ARHGAP10: variants seen among roughly 807,000 people sequenced by gnomAD.
ARHGAP10 encodes rho GTPase-activating protein 10.
Under a neutral mutation model 108.6 loss-of-function variants are expected in ARHGAP10, and 87 were observed. The ratio of observed to expected loss-of-function variants is 0.80; its 90% CI spans 0.67 to 0.96. The LOEUF (loss-of-function observed/expected upper bound fraction) is 0.96, where lower values mean the gene tolerates loss of function less well. Ranked by LOEUF, ARHGAP10 falls within the 40% of genes least tolerant of loss-of-function variation. The pLI is 0.00. For missense variants in ARHGAP10, 939 were observed against 954.5 expected (o/e 0.98, Z 0.21); for synonymous variants, 347 against 341.1 (o/e 1.02, Z -0.19).
At chr4:148,004,431 A>G (rs184474810) in intron 18 of ARHGAP10, among the ~76,000 whole-genome samples, 108 of 152,336 alleles carry the variant, frequency 7.1e-4, no homozygotes, top group Non-Finnish European at 1.4e-3. Flanking sequence ...GATGACCTCC[A>G]GTGACCCAGG....
chr4:148,009,548 A>C (rs1741092847), intron 18 of ARHGAP10, among the ~76,000 whole-genome samples: 1 of 152,248 alleles, frequency 6.6e-6, no homozygotes, highest in Non-Finnish European at 1.5e-5. Flanking sequence ...TAACAATTTT[A>C]AAGGCCTTGT....
At chr4:147,773,785 T>C (rs961960413) in intron 1 of ARHGAP10, among the ~76,000 whole-genome samples, 1 of 152,092 alleles carries the variant, frequency 6.6e-6, no homozygotes, top group Admixed American at 6.6e-5. Context: ...AGAATGTGAG[T>C]CAATACATTA....
chr4:147,767,988 C>A (rs1482957926), intron 1 of ARHGAP10, among the ~76,000 whole-genome samples: 1 of 152,212 alleles, frequency 6.6e-6, no homozygotes, highest in Non-Finnish European at 1.5e-5. Flanking sequence ...CCTTTCCCTG[C>A]ACCCATGGTG....
chr4:147,875,196 A>G, intron 8 of ARHGAP10, 46 bp downstream of exon 8: 1 of 1,505,042 alleles, frequency 6.6e-7, no homozygotes. Context: ...TAAAAATGCA[A>G]ATTATTGAAA....
intron 13 of ARHGAP10, among the ~76,000 whole-genome samples, chr4:147,936,392 A>C (rs549909021): frequency 7.8e-6 from 1 of 128,670 alleles, no homozygotes; most frequent in South Asian, 2.7e-4. Context: ...GCAGTGGCGC[A>C]ATCTCGGCTC....
chr4:147,743,240 G>A (rs1226421201), intron 1 of ARHGAP10, among the ~76,000 whole-genome samples: 1 of 151,842 alleles, frequency 6.6e-6, no homozygotes, highest in Non-Finnish European at 1.5e-5. Flanking sequence ...TCACCATGTT[G>A]ACCAGGATGG....
At chr4:147,915,195 A>G (rs950124409) in intron 13 of ARHGAP10, among the ~76,000 whole-genome samples, 4 of 152,176 alleles carry the variant, frequency 2.6e-5, no homozygotes, top group Admixed American at 6.5e-5. Context: ...TTGCCCATCA[A>G]TAACAACAAC....
chr4:147,741,718 C>T (rs1345320084), intron 1 of ARHGAP10, among the ~76,000 whole-genome samples: 1 of 151,608 alleles, frequency 6.6e-6, no homozygotes, highest in African/African-American at 2.4e-5. Context: ...CAGAGAAAAA[C>T]ACCAGACACT....
intron 18 of ARHGAP10, 97 bp downstream of exon 18, chr4:147,966,936 T>A: frequency 8.6e-7 from 1 of 1,157,988 alleles, no homozygotes; most frequent in Non-Finnish European, 1.1e-6. Context: ...TCTCTCTGTT[T>A]AAAAAAATTC....
intron 1 of ARHGAP10, among the ~76,000 whole-genome samples, chr4:147,741,233 G>A (rs2126679220): frequency 6.6e-6 from 1 of 152,228 alleles, no homozygotes; most frequent in Non-Finnish European, 1.5e-5. Flanking sequence ...ATTGAAATTT[G>A]TTTTATAAAT....
At chr4:147,963,393 C>T (rs996706027) in intron 16 of ARHGAP10, among the ~76,000 whole-genome samples, 5 of 152,184 alleles carry the variant, frequency 3.3e-5, no homozygotes, top group African/African-American at 1.2e-4. Flanking sequence ...AGTGAAACTA[C>T]AAAACCGTTT....
At chr4:147,939,249 T>TAG (rs765291616) in intron 13 of ARHGAP10, among the ~76,000 whole-genome samples, 1 of 152,172 alleles carries the variant, frequency 6.6e-6, no homozygotes, top group African/African-American at 2.4e-5. Context: ...CAGATCTCTG[T>TAG]AGAGAGAGAG....
At chr4:147,953,609 C>G (rs181590548) in intron 15 of ARHGAP10, among the ~76,000 whole-genome samples, 2 of 132,124 alleles carry the variant, frequency 1.5e-5, no homozygotes, top group Non-Finnish European at 3.4e-5. Flanking sequence ...CTGCAGTCAC[C>G]TTTCTCATTC....
chr4:147,859,518 C>T (rs1367315977), intron 5 of ARHGAP10, among the ~76,000 whole-genome samples: 1 of 152,180 alleles, frequency 6.6e-6, no homozygotes, highest in Non-Finnish European at 1.5e-5. Flanking sequence ...AGGCGATCCA[C>T]CCACCTTGGC....
rs1475577831 is a variant in ARHGAP10 at position 148,072,089 on chromosome 4, C to T, written c.*8C>T. 3 of 1,608,352 alleles carry T rather than the reference C, an allele frequency of 1.9e-6. No individual in the cohort carries two copies. In the East Asian group the frequency reaches 6.7e-5, roughly 36 times the overall value. On this transcript the variant is annotated 3_prime_UTR_variant, in exon 23 of 23. Transcript: ENST00000336498. ...TACGTCAAGCTGCTGTAGCTCCTGGCCTCAGAGCCCCTGCTGACCCTGGCA... is the reference window on the plus strand; with the variant it reads ...TACGTCAAGCTGCTGTAGCTCCTGGTCTCAGAGCCCCTGCTGACCCTGGCA...
At chr4:147,824,955 G>A (rs1269184379) in intron 3 of ARHGAP10, among the ~76,000 whole-genome samples, 1 of 152,168 alleles carries the variant, frequency 6.6e-6, no homozygotes, top group African/African-American at 2.4e-5. Context: ...TAAAGGATGA[G>A]GAAACTGAGG....
At chr4:147,908,278 A>T (rs1219740610) in intron 11 of ARHGAP10, among the ~76,000 whole-genome samples, 2 of 152,252 alleles carry the variant, frequency 1.3e-5, no homozygotes, top group Non-Finnish European at 2.9e-5. Flanking sequence ...ACTCACTGGA[A>T]TGTATCGCCC....
At chr4:147,889,630 C>A (rs1735709781) in intron 10 of ARHGAP10, among the ~76,000 whole-genome samples, 1 of 151,946 alleles carries the variant, frequency 6.6e-6, no homozygotes, top group Non-Finnish European at 1.5e-5. Flanking sequence ...ATAGCAATTT[C>A]TCAGTTGATT....
intron 9 of ARHGAP10, 104 bp downstream of exon 9, chr4:147,879,442 G>A: frequency 1.0e-6 from 1 of 954,412 alleles, no homozygotes; most frequent in Non-Finnish European, 1.5e-6. Flanking sequence ...TTCATGGATG[G>A]TAAATAAATT....
Sources: allele counts gnomAD v4.1 joint callset (sites outside exome capture counted in the v4.1 genomes callset), GRCh38; gene constraint gnomAD v4.1.1; transcripts MANE v1.5; gene names NCBI Gene and HGNC (gene_info 2026-07-23, HGNC 2026-07-21).